The following ATP10B variants were observed in gnomAD, a reference collection of about 807,000 sequenced individuals.
The protein encoded by ATP10B is phospholipid-transporting ATPase VB.
Under a neutral mutation model 141.2 loss-of-function variants are expected in ATP10B, and 122 were observed. The observed-to-expected ratio is 0.86, with a 90% CI of 0.75 to 1.00. ATP10B has a LOEUF of 1.00. Among genes scored for constraint, ATP10B ranks in the 50% least tolerant of loss-of-function variants. ATP10B has a pLI of 0.00. For synonymous variants in ATP10B, 685 were observed against 692.0 expected (o/e 0.99, Z 0.16); for missense variants, 1,876 against 1,825.3 (o/e 1.03, Z -0.51).
In ATP10B at chr5:160,606,798, G is replaced by A. The variant is rs748360139; in HGVS notation, c.3127C>T (p.Arg1043Ter). The A allele has an allele frequency of 7.7e-5, 124 of 1,613,852 alleles. No individual in the cohort carries two copies. The highest frequency in any genetic ancestry group is 1.0e-4 in the Non-Finnish European group (120 of 1,179,900). Residue 1043 changes from arginine (R) to a stop codon, truncating the protein, a stop_gained, in exon 19 of 26, where the codon CGA (arginine) becomes TGA (stop). Transcript: ENST00000327245. LOFTEE classifies it high-confidence loss of function. ...LQKSMIVKLV[R>*]DKLRVMTLSI... is the part of the protein sequence containing the mutation. ...AGGGTCATGACGCGCAACTTGTCTC[G>A]CACCAGCTTGACTATCATACTCTTC...
At chr5:160,823,830 T>C (rs530725162) in intron 1 of ATP10B, among the ~76,000 whole-genome samples, 1 of 151,794 alleles carries the variant, frequency 6.6e-6, no homozygotes, top group Non-Finnish European at 1.5e-5. Flanking sequence ...TGAGACTCCG[T>C]CTCCAAAAAA....
intron 2 of ATP10B, among the ~76,000 whole-genome samples, chr5:160,748,748 T>A (rs1273779239): frequency 2.6e-5 from 4 of 152,242 alleles, no homozygotes; most frequent in Admixed American, 2.0e-4. Context: ...TTTAGATGCT[T>A]CCTTCAGGAC....
intron 2 of ATP10B, among the ~76,000 whole-genome samples, chr5:160,778,097 C>T (rs181921717): frequency 6.6e-5 from 10 of 152,328 alleles, no homozygotes; most frequent in Non-Finnish European, 1.0e-4. Flanking sequence ...ACAGTCTCTA[C>T]AGAAAGCTTA....
chr5:160,686,096 G>A lies in ATP10B; in HGVS notation c.453C>T (p.Asn151=), dbSNP rs773769171. Residue 151 remains asparagine (N), a synonymous_variant, in exon 6 of 26, where the codon AAC becomes AAT. Transcript: ENST00000327245. ...HRFDKAINCS[N]IRIYERKEQT... ...TTTCTTACCTTTCATAAATTCGAATGTTGGAGCAGTTTATTGCTTTATCAA... is the reference window on the plus strand; with the variant it reads ...TTTCTTACCTTTCATAAATTCGAATATTGGAGCAGTTTATTGCTTTATCAA... 1.3e-6 allele frequency: 2 copies of A among 1,572,660 alleles called. No homozygotes were observed. The highest frequency in any genetic ancestry group is 1.2e-5 in the South Asian group (1 of 85,086).
chr5:160,904,109 C>T, the ATP10B span, among the ~76,000 whole-genome samples: 1,418 of 152,090 alleles, frequency 9.3e-3, 12 homozygotes, highest in South Asian at 0.018. Flanking sequence ...TCCCAGCAGG[C>T]AAGGAAGAGG....
chr5:160,862,972 T>C, the ATP10B span, among the ~76,000 whole-genome samples: 2 of 151,962 alleles, frequency 1.3e-5, no homozygotes, highest in Admixed American at 6.6e-5. Flanking sequence ...AAAAGAAACA[T>C]AGTGCTTTCT....
chr5:160,844,238 A>G (rs1212604907), intron 1 of ATP10B, among the ~76,000 whole-genome samples: 1 of 152,132 alleles, frequency 6.6e-6, no homozygotes, highest in Non-Finnish European at 1.5e-5. Flanking sequence ...GTGCTAAAAG[A>G]TATGCCAAAA....
In ATP10B at chr5:160,687,824, CG is replaced by C. The variant is rs1561754713; in HGVS notation, c.250del (p.Arg84GlyfsTer19). 1 of 1,613,806 alleles carries C rather than the reference CG, an allele frequency of 6.2e-7. No individual in the cohort carries two copies. The highest frequency in any genetic ancestry group is 2.2e-5 in the East Asian group (1 of 44,884). On this transcript the variant is annotated frameshift_variant, in exon 5 of 26. Transcript: ENST00000327245. LOFTEE classifies it high-confidence loss of function. ...CCTATGAAATTGCTCAAAGAGATTC[CG>C]GGGCAGGAAGGTGAAGAGGGTGTAT... ...TKYTLFTFLP[R>X]NLFEQFHRWA...
intron 24 of ATP10B, among the ~76,000 whole-genome samples, chr5:160,584,925 T>C (rs929438309): frequency 6.6e-6 from 1 of 152,228 alleles, no homozygotes; most frequent in Non-Finnish European, 1.5e-5. Context: ...GTCACCAGCA[T>C]AGCTGTTCCT....
At position 160,565,601 on chromosome 5, in the gene ATP10B, C is replaced by A; in HGVS notation, c.4238G>T (p.Cys1413Phe). 6.2e-7 allele frequency: 1 copy of A among 1,614,138 alleles called. No homozygotes were observed. The highest frequency in any genetic ancestry group is 8.5e-7 in the Non-Finnish European group (1 of 1,179,986). ...CGTECMRDDSCSGDSSAQLSS... is the reference protein window; with the variant it reads ...CGTECMRDDSFSGDSSAQLSS... Reference sequence around the variant, plus strand: ...GAGTTGAGCTGAGGAGTCCCCTGAGCATGAGTCATCCCTCATGCACTCCGT... The same window carrying A: ...GAGTTGAGCTGAGGAGTCCCCTGAGAATGAGTCATCCCTCATGCACTCCGT... Residue 1413 changes from cysteine (C) to phenylalanine (F), a missense_variant, in exon 26 of 26, where the codon TGC becomes TTC. Physicochemically the swap from Cys to Phe is radical, Grantham distance 205. Transcript: ENST00000327245.
chr5:160,782,503 C>T (rs1372754427), intron 2 of ATP10B, among the ~76,000 whole-genome samples: 1 of 151,070 alleles, frequency 6.6e-6, no homozygotes, highest in African/African-American at 2.4e-5. Flanking sequence ...GGAGCCCAGC[C>T]TCACAGGCGT....
Position 160,654,746 on chromosome 5 carries a change from A to G in ATP10B, c.676-5490T>C, listed in dbSNP as rs187158930. Among the ~76,000 whole-genome samples, 329 of 152,182 alleles carry G rather than the reference A, an allele frequency of 2.2e-3. 2 individuals are homozygous for G. Among genetic ancestry groups the G allele is most frequent in the Non-Finnish European group, 2.2e-3 (148 of 68,022 alleles). ...CACCTTTTATTCCTCCTCTCCTGTT[A>G]TTATTATTCTGCAGCACTTATTGAA... On this transcript the variant is annotated intron_variant, in intron 7 of 25. Transcript: ENST00000327245.
intron 1 of ATP10B, among the ~76,000 whole-genome samples, chr5:160,803,293 C>T (rs898144901): frequency 6.6e-6 from 1 of 152,156 alleles, no homozygotes; most frequent in African/African-American, 2.4e-5. Flanking sequence ...AAGATTATCA[C>T]GTACCAGGAA....
At chr5:160,573,309 T>C (rs1056386882) in intron 24 of ATP10B, among the ~76,000 whole-genome samples, 1 of 152,244 alleles carries the variant, frequency 6.6e-6, no homozygotes, top group African/African-American at 2.4e-5. Flanking sequence ...GCTGCTGCAC[T>C]GATCTTGGGC....
Position 160,606,757 on chromosome 5 carries a change from A to T in ATP10B, c.3160+8T>A, listed in dbSNP as rs1392677937. ...AAAGTGCCACCCGCATCTCAGTATG[A>T]TGGGTACCTATGGAAAGGGTCATGA... On this transcript the variant is annotated splice_region_variant and intron_variant, in intron 19 of 25. Transcript: ENST00000327245. The T allele has an allele frequency of 6.2e-7, 1 of 1,609,612 alleles. No homozygotes were observed. The highest frequency in any genetic ancestry group is 8.5e-7 in the Non-Finnish European group (1 of 1,176,644).
chr5:160,787,803 T>C (rs2127899846), intron 1 of ATP10B, among the ~76,000 whole-genome samples: 1 of 152,214 alleles, frequency 6.6e-6, no homozygotes, highest in African/African-American at 2.4e-5. Context: ...GTCTATCAAA[T>C]AAGGAAGCCG....
At chr5:160,871,781 T>G in the ATP10B span, among the ~76,000 whole-genome samples, 1 of 152,312 alleles carries the variant, frequency 6.6e-6, no homozygotes, top group East Asian at 1.9e-4. Context: ...GATGGACATT[T>G]GGGTTGGTTC....
At chr5:160,791,231 G>A (rs895419682) in intron 1 of ATP10B, among the ~76,000 whole-genome samples, 2 of 152,108 alleles carry the variant, frequency 1.3e-5, no homozygotes, top group African/African-American at 4.8e-5. Flanking sequence ...CTGGACTTCT[G>A]ACTTACAGAA....
chr5:160,856,681 T>C (rs1754008343), upstream of ATP10B, among the ~76,000 whole-genome samples: 1 of 151,396 alleles, frequency 6.6e-6, no homozygotes, highest in African/African-American at 2.4e-5. Context: ...GATTTGTATG[T>C]AGATTTGTAT....
Sources: gnomAD v4.1 joint callset for allele counts (sites outside exome capture counted in the v4.1 genomes callset) on GRCh38, gnomAD v4.1.1 for gene constraint, MANE v1.5 for transcripts, NCBI Gene and HGNC (gene_info 2026-07-23, HGNC 2026-07-21) for gene names.